Variants in RFX7 observed in about 807,000 individuals in gnomAD.
The protein encoded by RFX7 is DNA-binding protein RFX7.
Under a neutral mutation model 111.8 loss-of-function variants are expected in RFX7, and 26 were observed. The observed-to-expected ratio is 0.23, with a 90% CI of 0.17 to 0.32. RFX7 has a LOEUF of 0.32. Among genes scored for constraint, RFX7 ranks in the 10% least tolerant of loss-of-function variants. The pLI is 1.00. For missense variants in RFX7, 1,573 were observed against 1,772.9 expected, an observed-to-expected ratio of 0.89 and a Z score of 2.02; for synonymous variants, 624 against 624.4, an observed-to-expected ratio of 1.00 and a Z score of 0.01.
chr15:56,218,122 C>T (rs1345222009), intron 2 of RFX7, among the ~76,000 whole-genome samples: 1 of 135,174 alleles, frequency 7.4e-6, no homozygotes, highest in Non-Finnish European at 1.6e-5. Context: ...TTAGGTATTA[C>T]AAGTAATTTA....
intron 5 of RFX7, among the ~76,000 whole-genome samples, chr15:56,122,976 C>T (rs1595942877): frequency 6.6e-6 from 1 of 151,954 alleles, no homozygotes; most frequent in Admixed American, 6.6e-5. Context: ...GGGCCAAATA[C>T]CATAGGTCGA....
chr15:56,201,630 C>T (rs1317698713), intron 2 of RFX7, among the ~76,000 whole-genome samples: 1 of 152,130 alleles, frequency 6.6e-6, no homozygotes, highest in Non-Finnish European at 1.5e-5. Flanking sequence ...ATTTTCCTTC[C>T]TGTGCCTAAA....
chr15:56,193,899 A>C (rs1000419524), intron 2 of RFX7, among the ~76,000 whole-genome samples: 1 of 152,168 alleles, frequency 6.6e-6, no homozygotes, highest in Non-Finnish European at 1.5e-5. Flanking sequence ...TTAAAAATTA[A>C]AAAAACTTAG....
intron 5 of RFX7, among the ~76,000 whole-genome samples, chr15:56,127,064 T>A (rs1392494860): frequency 1.3e-5 from 2 of 152,030 alleles, no homozygotes; most frequent in African/African-American, 4.8e-5. Context: ...AGCATTCTTC[T>A]CAAGTGCATA....
chr15:56,135,012 C>T (rs1307894907), intron 5 of RFX7, among the ~76,000 whole-genome samples: 2 of 152,184 alleles, frequency 1.3e-5, no homozygotes, highest in African/African-American at 2.4e-5. Flanking sequence ...TCCGGTCTAT[C>T]ATTGTTGGAC....
At chr15:56,218,884 A>G (rs1038774536) in intron 2 of RFX7, among the ~76,000 whole-genome samples, 3 of 152,210 alleles carry the variant, frequency 2.0e-5, no homozygotes, top group Non-Finnish European at 2.9e-5. Context: ...CCAATATCAG[A>G]TAACAGAGAG....
chr15:56,186,541 A>G (rs1287128319), intron 2 of RFX7, among the ~76,000 whole-genome samples: 1 of 151,964 alleles, frequency 6.6e-6, no homozygotes, highest in Non-Finnish European at 1.5e-5. Context: ...TGGGGTGAAA[A>G]TCCTGCCACA....
intron 5 of RFX7, among the ~76,000 whole-genome samples, chr15:56,139,257 C>G (rs1280471938): frequency 3.3e-5 from 5 of 150,804 alleles, no homozygotes; most frequent in African/African-American, 4.8e-5. Flanking sequence ...GTACACCAAT[C>G]AGACGTAGAT....
intron 5 of RFX7, among the ~76,000 whole-genome samples, chr15:56,130,971 T>C (rs1359294858): frequency 2.6e-5 from 4 of 152,186 alleles, no homozygotes; most frequent in African/African-American, 9.6e-5. Flanking sequence ...GTTTTGTAGT[T>C]GAGTTCTTTA....
chr15:56,107,668 T>C (rs2041849823), intron 5 of RFX7, among the ~76,000 whole-genome samples: 1 of 152,218 alleles, frequency 6.6e-6, no homozygotes, highest in South Asian at 2.1e-4. Context: ...ACATATTTTA[T>C]AGATGAGGAA....
At position 56,096,413 on chromosome 15, in the gene RFX7, T is replaced by C; in HGVS notation, c.1315A>G (p.Thr439Ala). The change falls in exon 10 of 10, where the codon ACC (threonine) becomes GCC (alanine). Residue 439 changes from threonine (T) to alanine (A), a missense_variant. By Grantham distance (58) the Thr-to-Ala change is moderately conservative. Around this residue, in one of 7 missense-constraint regions of RFX7, gnomAD observed 288 missense variants for 337.9 expected, o/e 0.85. Transcript: ENST00000559447. The part of the protein sequence containing the change: ...YPQILPKPAN[T>A]SALTIRSPTT... ...GGAGAGCGAATGGTGAGTGCACTGG[T>C]GTTCGCTGGTTTGGGTAAGATCTGA... The C allele has an allele frequency of 1.2e-6, 2 of 1,613,868 alleles. No individual in the cohort carries two copies. The highest frequency in any genetic ancestry group is 1.7e-6 in the Non-Finnish European group (2 of 1,179,858).
chr15:56,135,692 T>C (rs1177496423), intron 5 of RFX7, among the ~76,000 whole-genome samples: 36 of 152,158 alleles, frequency 2.4e-4, no homozygotes, highest in African/African-American at 6.8e-4. Context: ...TCCTTGCCCA[T>C]GCCTATGTCC....
chr15:56,141,010 A>T (rs1195261500), intron 5 of RFX7, among the ~76,000 whole-genome samples: 1 of 152,200 alleles, frequency 6.6e-6, no homozygotes, highest in Non-Finnish European at 1.5e-5. Context: ...GTATTCCCTC[A>T]TTAGTCTGTT....
At chr15:56,228,132 A>G (rs1203044816) in intron 2 of RFX7, among the ~76,000 whole-genome samples, 1 of 151,708 alleles carries the variant, frequency 6.6e-6, no homozygotes, top group African/African-American at 2.4e-5. Context: ...TGGCTTTTCA[A>G]GATTTTCTCT....
At chr15:56,194,846 A>ACC (rs2043132604) in intron 2 of RFX7, among the ~76,000 whole-genome samples, 1 of 152,122 alleles carries the variant, frequency 6.6e-6, no homozygotes, top group Non-Finnish European at 1.5e-5. Flanking sequence ...TGCTCTTGAA[A>ACC]AACTTGACAT....
chr15:56,098,199 G>A lies in RFX7; in HGVS notation c.989C>T (p.Ala330Val), dbSNP rs756883775. The A allele has an allele frequency of 1.2e-5, 20 of 1,613,894 alleles. No individual in the cohort carries two copies. Among genetic ancestry groups the A allele is most frequent in the Non-Finnish European group, 1.2e-5 (14 of 1,179,834 alleles). The change falls in exon 9 of 10, where the codon GCA becomes GTA. Residue 330 changes from alanine to valine, a missense_variant. Physicochemically the swap from Ala to Val is moderately conservative, Grantham distance 64. This residue lies in a region of RFX7 where 288 missense variants were observed against 337.9 expected (regional missense o/e 0.85). Transcript: ENST00000559447. The part of the protein sequence containing the change: ...LQSPLPGESA[A>V]KKSESATSNG... The stretch of plus-strand genomic sequence containing the variant: ...GCTTGTAGCACTTTCTGACTTTTTT[G>A]CTGCAGATTCTCCTGGCAAAGGGGA...
chr15:56,201,183 T>C (rs1206596600), intron 2 of RFX7, among the ~76,000 whole-genome samples: 1 of 152,174 alleles, frequency 6.6e-6, no homozygotes, highest in Non-Finnish European at 1.5e-5. Flanking sequence ...TTGTAAGACA[T>C]GACTTATTAC....
At chr15:56,177,175 C>T (rs528214987) in intron 3 of RFX7, among the ~76,000 whole-genome samples, 60 of 152,234 alleles carry the variant, frequency 3.9e-4, no homozygotes, top group Middle Eastern at 6.8e-3. Context: ...GTTCCTTCTA[C>T]CTCATGTGTG....
chr15:56,095,616 T>C lies in RFX7; in HGVS notation c.2112A>G (p.Lys704=). ...KKDQKVPHSG[K]TEGSTAGAQI... Reference sequence around the variant, plus strand: ...GAGCACCTGCTGTTGAACCTTCTGTTTTCCCTGAATGTGGAACCTTTTGGT... The same window carrying C: ...GAGCACCTGCTGTTGAACCTTCTGTCTTCCCTGAATGTGGAACCTTTTGGT... Residue 704 remains lysine (K), a synonymous_variant, in exon 10 of 10, where the codon AAA becomes AAG. Transcript: ENST00000559447. 1 of 1,614,016 alleles carries C rather than the reference T, an allele frequency of 6.2e-7. No individual in the cohort carries two copies. Among genetic ancestry groups the C allele is most frequent in the African/African-American group, 1.3e-5 (1 of 75,052 alleles).
Sources: allele counts gnomAD v4.1 joint callset (sites outside exome capture counted in the v4.1 genomes callset), GRCh38; gene constraint gnomAD v4.1.1; regional missense constraint gnomAD v4.1.1; transcripts MANE v1.5; gene names NCBI Gene and HGNC (gene_info 2026-07-23, HGNC 2026-07-21).